NPHP4: variants seen among roughly 807,000 people sequenced by gnomAD.
NPHP4 encodes nephrocystin-4.
Under a neutral mutation model 155.8 loss-of-function variants are expected in NPHP4, and 151 were observed. That is an observed-to-expected ratio of 0.97 (90% confidence interval 0.85 to 1.11). The LOEUF is 1.11. Ranked by LOEUF, NPHP4 falls within the 50% of genes least tolerant of loss-of-function variation. NPHP4 has a pLI of 0.00. For synonymous variants in NPHP4, 845 were observed against 816.8 expected (o/e 1.03, Z -0.59); for missense variants, 1,956 against 1,925.7 (o/e 1.02, Z -0.29).
At chr1:5,955,786 C>A (rs148649509) in intron 6 of NPHP4, among the ~76,000 whole-genome samples, 1 of 152,290 alleles carries the variant, frequency 6.6e-6, no homozygotes, top group African/African-American at 2.4e-5. Flanking sequence ...GTACAAGTTA[C>A]AGTCTAAATT....
intron 28 of NPHP4, 46 bp from the exon 29 acceptor site, chr1:5,864,079 C>A (rs760175324): frequency 3.1e-6 from 5 of 1,597,776 alleles, no homozygotes; most frequent in Middle Eastern, 1.9e-4. Context: ...CTCACGGGAA[C>A]AGCCACTGGC....
rs1190958265 is a variant in NPHP4, at chr1:5,866,441, C to T, written c.3576G>A (p.Arg1192=). 1 of 1,600,254 alleles carries T rather than the reference C, an allele frequency of 6.2e-7. No individual in the cohort carries two copies. The highest frequency in any genetic ancestry group is 2.3e-5 in the East Asian group (1 of 44,332). The change falls in exon 26 of 30, where the codon CGG becomes CGA. Residue 1192 remains arginine (R), a synonymous_variant. Coordinates refer to ENST00000378156, the MANE Select transcript of NPHP4 (RefSeq NM_015102.5). ...ETQNVGPGEP[R]DIFLKVASGP... is the part of the protein sequence containing the mutation. ...CACTGGCCACCTTCAGAAATATGTCCCGTGGTTCCCCGGGGCCCTGCCAAC... is the reference window on the plus strand; with the variant it reads ...CACTGGCCACCTTCAGAAATATGTCTCGTGGTTCCCCGGGGCCCTGCCAAC...
chr1:5,880,741 GC>G (rs1643195518), intron 18 of NPHP4: 1 of 168,668 alleles, frequency 5.9e-6, no homozygotes, highest in Non-Finnish European at 1.3e-5. Context: ...AAGTGGTGTG[GC>G]CTCGGGACAA....
intron 29 of NPHP4, 73 bp downstream of exon 29, chr1:5,863,817 A>C: frequency 6.6e-7 from 1 of 1,526,560 alleles, no homozygotes; most frequent in African/African-American, 1.4e-5. Context: ...CTCGCTCCTA[A>C]ATGCAGGCTA....
At chr1:5,960,855 C>T (rs1443036235) in intron 6 of NPHP4, among the ~76,000 whole-genome samples, 1 of 152,160 alleles carries the variant, frequency 6.6e-6, no homozygotes, top group Non-Finnish European at 1.5e-5. Context: ...AAGACAGAGC[C>T]CTTGTCCTTT....
At chr1:5,880,024 C>A in intron 19 of NPHP4, 90 bp downstream of exon 19, 1 of 1,425,030 alleles carries the variant, frequency 7.0e-7, no homozygotes, top group Middle Eastern at 2.0e-4. Context: ...CACATGCACA[C>A]ACGCATGCAC....
chr1:5,872,458 G>A (rs1377684309), intron 23 of NPHP4, among the ~76,000 whole-genome samples: 2 of 152,198 alleles, frequency 1.3e-5, no homozygotes, highest in African/African-American at 2.4e-5. Flanking sequence ...AGGAAAAAGC[G>A]TTAACCTAGA....
At position 5,961,891 on chromosome 1, in the gene NPHP4, G is replaced by T. The variant is rs1175852641; in HGVS notation, c.576C>A (p.His192Gln). 6.2e-7 allele frequency: 1 copy of T among 1,613,802 alleles called. No individual in the cohort carries two copies. ...GGTGGAACGCAGGCTCCAGGGCCGG[G>T]TGTGGCTTCAGCGTGTACTGCAGGC... ...NCSLQYTLKPHPALEPAFHLL... is the reference protein window; with the variant it reads ...NCSLQYTLKPQPALEPAFHLL... The change falls in exon 6 of 30, where the codon CAC becomes CAA. Residue 192 changes from histidine to glutamine, a missense_variant. Physicochemically the swap from His to Gln is conservative, Grantham distance 24. Coordinates refer to ENST00000378156, the MANE Select transcript of NPHP4 (RefSeq NM_015102.5).
At chr1:5,894,956 G>A (rs1444843674) in intron 16 of NPHP4, among the ~76,000 whole-genome samples, 1 of 152,160 alleles carries the variant, frequency 6.6e-6, no homozygotes, top group African/African-American at 2.4e-5. Flanking sequence ...ATGATAGACT[G>A]GATTAAGAAG....
At chr1:5,964,863 T>C (rs1022377523) in intron 5 of NPHP4, among the ~76,000 whole-genome samples, 8 of 144,990 alleles carry the variant, frequency 5.5e-5, no homozygotes, top group South Asian at 2.1e-4. Context: ...ATATTTTATA[T>C]ATATATAACA....
chr1:5,953,012 C>A (rs1321217759), intron 6 of NPHP4, among the ~76,000 whole-genome samples, 176 bp from the exon 7 acceptor site: 1 of 152,156 alleles, frequency 6.6e-6, no homozygotes, highest in Non-Finnish European at 1.5e-5. Context: ...TAAGCAAATA[C>A]AGATTTCATT....
intron 19 of NPHP4, among the ~76,000 whole-genome samples, chr1:5,879,841 AC>A (rs1207200229): frequency 1.8e-5 from 2 of 108,304 alleles, no homozygotes; most frequent in Non-Finnish European, 2.1e-5. Context: ...GCAAACACAC[AC>A]AGACACGCAC....
intron 11 of NPHP4, among the ~76,000 whole-genome samples, chr1:5,915,684 G>A (rs1026842394): frequency 1.4e-4 from 21 of 152,182 alleles, no homozygotes; most frequent in East Asian, 1.9e-4. Flanking sequence ...GGGGAGTTCC[G>A]TGACTTGCCA....
intron 16 of NPHP4, among the ~76,000 whole-genome samples, chr1:5,896,226 C>A (rs998061859): frequency 6.6e-6 from 1 of 152,050 alleles, no homozygotes; most frequent in African/African-American, 2.4e-5. Context: ...CAGGGAGGCC[C>A]GAGCACACAC....
chr1:5,952,792 GC>G lies in NPHP4; in HGVS notation c.717del (p.His240ThrfsTer75). ...RKPRLQKPITGHLDDLFFTLY... is the reference protein window; with the variant it reads ...RKPRLQKPITXHLDDLFFTLY... ...AGGGTGAAGAATAAGTCATCCAAGT[GC>G]CCCGTGATGGGCTTCTGGAGGCGAG... On this transcript the variant is annotated frameshift_variant, in exon 7 of 30. Coordinates refer to ENST00000378156, the MANE Select transcript of NPHP4 (RefSeq NM_015102.5). LOFTEE classifies it high-confidence loss of function. 2 of 1,594,940 alleles carry G rather than the reference GC, an allele frequency of 1.3e-6. No individual in the cohort carries two copies. The highest frequency in any genetic ancestry group is 1.7e-6 in the Non-Finnish European group (2 of 1,170,756).
chr1:5,911,259 A>C (rs12057260), intron 11 of NPHP4, among the ~76,000 whole-genome samples: 29,819 of 151,930 alleles, frequency 0.2, 3,237 homozygotes, highest in African/African-American at 0.3. Context: ...CGTACGGCAA[A>C]CCCCTGCCCA....
chr1:5,944,574 C>T lies in NPHP4; in HGVS notation c.1119+2530G>A, dbSNP rs553221977. 1.3e-5 allele frequency among the ~76,000 whole-genome samples: 2 copies of T among 152,340 alleles called. No individual in the cohort carries two copies. Among genetic ancestry groups the T allele is most frequent in the Admixed American group, 1.3e-4 (2 of 15,310 alleles). ...TTTTTGTGTGGAAGGTCATTTCACA[C>T]ACTGCAACATTTCCATTCCAGATTT... On this transcript the variant is annotated intron_variant, in intron 9 of 29. Transcript: ENST00000378156. The surrounding 1 kb of genome is among the most constrained non-coding windows in gnomAD (Gnocchi z 4.3).
intron 11 of NPHP4, among the ~76,000 whole-genome samples, chr1:5,921,225 C>T (rs1444927066): frequency 1.3e-5 from 2 of 152,186 alleles, no homozygotes; most frequent in Non-Finnish European, 2.9e-5. Context: ...TTCATTTAAC[C>T]GACACACAGC....
At chr1:5,874,040 C>T (rs920424137) in intron 22 of NPHP4, among the ~76,000 whole-genome samples, 2 of 152,116 alleles carry the variant, frequency 1.3e-5, no homozygotes, top group Non-Finnish European at 2.9e-5. Flanking sequence ...CTGCTGCACG[C>T]ACGCTCCCTG....
Sources: allele counts gnomAD v4.1 joint callset (sites outside exome capture counted in the v4.1 genomes callset), GRCh38; gene constraint gnomAD v4.1.1; non-coding constraint Gnocchi (gnomAD v3.1); transcripts MANE v1.5; gene names NCBI Gene and HGNC (gene_info 2026-07-23, HGNC 2026-07-21).